The following ZFYVE16 variants were observed in gnomAD, a reference collection of about 807,000 sequenced individuals.
ZFYVE16 encodes zinc finger FYVE-type containing 16.
Under a neutral mutation model 138.1 loss-of-function variants are expected in ZFYVE16, and 89 were observed. That is an observed-to-expected ratio of 0.64 (90% CI 0.54 to 0.77). The LOEUF is 0.77. Ranked by LOEUF, ZFYVE16 falls within the 30% of genes least tolerant of loss-of-function variation. ZFYVE16 has a pLI of 0.00. For synonymous variants in ZFYVE16, 596 were observed against 618.3 expected (o/e 0.96, Z 0.53); for missense variants, 1,793 against 1,786.7 (o/e 1.00, Z -0.06).
chr5:80,419,793 A>G (rs757356555), intron 1 of ZFYVE16, among the ~76,000 whole-genome samples: 30 of 150,598 alleles, frequency 2.0e-4, no homozygotes, highest in Non-Finnish European at 3.3e-4. Context: ...GGAAGAATTC[A>G]TGTCTTTGGT....
intron 2 of ZFYVE16, among the ~76,000 whole-genome samples, chr5:80,428,839 T>A (rs1748544726): frequency 6.6e-6 from 1 of 152,106 alleles, no homozygotes. Flanking sequence ...TTCGATCAAC[T>A]GGAAGAAAGG....
chr5:80,414,423 T>C (rs1745907258), intron 1 of ZFYVE16, among the ~76,000 whole-genome samples: 1 of 152,224 alleles, frequency 6.6e-6, no homozygotes, highest in African/African-American at 2.4e-5. Flanking sequence ...TTCCTTTTTC[T>C]TGGTGTCTCC....
Position 80,450,491 on chromosome 5 carries a change from A to G in ZFYVE16, c.3287A>G (p.Glu1096Gly), listed in dbSNP as rs1751869808. 6.2e-7 allele frequency: 1 copy of G among 1,613,652 alleles called. No homozygotes were observed. The highest frequency in any genetic ancestry group is 8.5e-7 in the Non-Finnish European group (1 of 1,179,726). The change falls in exon 10 of 19, where the codon GAA (glutamate) becomes GGA (glycine). Residue 1096 changes from glutamate to glycine, a missense_variant. Physicochemically the swap from Glu to Gly is moderately conservative, Grantham distance 98. Around this residue, in one of 2 missense-constraint regions of ZFYVE16, gnomAD observed 498 missense variants for 582.4 expected, o/e 0.86. Coordinates refer to ENST00000505560, the MANE Select transcript of ZFYVE16 (RefSeq NM_001284236.3). ...TNGLHGLGQAEIIILLLCLPN... is the reference protein window; with the variant it reads ...TNGLHGLGQAGIIILLLCLPN... ...GGATTGCATGGCTTGGGACAGGCAG[A>G]AATTATTATTCTATTGTTATGTTTG...
intron 1 of ZFYVE16, among the ~76,000 whole-genome samples, chr5:80,416,247 A>ATTTT (rs70988469): frequency 5.5e-5 from 4 of 73,344 alleles, no homozygotes; most frequent in African/African-American, 9.7e-5. Flanking sequence ...GAATACATAG[A>ATTTT]TTTTTTTTTT....
At chr5:80,450,229 G>C (rs1026338123) in intron 9 of ZFYVE16, among the ~76,000 whole-genome samples, 1 of 149,922 alleles carries the variant, frequency 6.7e-6, no homozygotes, top group Non-Finnish European at 1.5e-5. Flanking sequence ...TTTTATTTTA[G>C]TGTTATTTAT....
intron 1 of ZFYVE16, among the ~76,000 whole-genome samples, chr5:80,412,527 C>T (rs768262563): frequency 6.6e-5 from 10 of 151,952 alleles, no homozygotes; most frequent in South Asian, 2.1e-4. Context: ...TTCAGTATAC[C>T]GTATTTACAT....
At chr5:80,466,629 C>A (rs147645198) in intron 15 of ZFYVE16, among the ~76,000 whole-genome samples, 20 of 152,226 alleles carry the variant, frequency 1.3e-4, no homozygotes, top group Admixed American at 3.9e-4. Context: ...TTGCTTTTCC[C>A]TTCATATACA....
At position 80,437,357 on chromosome 5, in the gene ZFYVE16, A is replaced by G. The variant is rs756606620; in HGVS notation, c.672A>G (p.Thr224=). ...CAGATTCCTATAATTACAGTGGAAC[A>G]GAAAATTTAAAAGATAAAAAGATCT... ...TLSDSYNYSG[T]ENLKDKKIFN... is the part of the protein sequence containing the mutation. The change falls in exon 4 of 19, where the codon ACA becomes ACG. Residue 224 remains threonine (T), a synonymous_variant. Transcript: ENST00000505560. 1 of 1,603,558 alleles carries G rather than the reference A, an allele frequency of 6.2e-7. No homozygotes were observed. Among genetic ancestry groups the G allele is most frequent in the African/African-American group, 1.3e-5 (1 of 74,178 alleles).
intron 5 of ZFYVE16, chr5:80,440,954 A>T (rs1304746657): frequency 2.0e-6 from 2 of 985,208 alleles, no homozygotes; most frequent in Non-Finnish European, 2.4e-6. Context: ...TGTTAGCCTG[A>T]GGTAAGCTGC....
chr5:80,458,209 C>G (rs1403214068), intron 14 of ZFYVE16, among the ~76,000 whole-genome samples: 1 of 151,794 alleles, frequency 6.6e-6, no homozygotes, highest in Non-Finnish European at 1.5e-5. Context: ...GGCATTTTTG[C>G]CACTAAAATT....
chr5:80,426,258 GTGTGTGTGTGTGTGTATATATA>G (rs1748017564), intron 1 of ZFYVE16, among the ~76,000 whole-genome samples: 2 of 54,082 alleles, frequency 3.7e-5, no homozygotes, highest in Middle Eastern at 0.01. Flanking sequence ...GTGTGTGTGT[GTGTGTGTGTGTGTGTATATATA>G]TATATATATA....
At chr5:80,429,633 T>C (rs911581555) in intron 2 of ZFYVE16, among the ~76,000 whole-genome samples, 4 of 152,002 alleles carry the variant, frequency 2.6e-5, no homozygotes, top group African/African-American at 9.7e-5. Flanking sequence ...GGCTAAATGC[T>C]CCAGTTAAAA....
chr5:80,431,056 GA>G (rs1378570455), intron 2 of ZFYVE16, among the ~76,000 whole-genome samples: 3 of 152,258 alleles, frequency 2.0e-5, no homozygotes, highest in African/African-American at 7.2e-5. Flanking sequence ...CCAATCAATA[GA>G]AAAAGAGGGA....
chr5:80,472,748 G>C lies in ZFYVE16; in HGVS notation c.4025-13G>C. 1 of 1,607,476 alleles carries C rather than the reference G, an allele frequency of 6.2e-7. No individual in the cohort carries two copies. Among genetic ancestry groups the C allele is most frequent in the Non-Finnish European group, 8.5e-7 (1 of 1,177,186 alleles). On this transcript the variant is annotated splice_polypyrimidine_tract_variant and intron_variant, in intron 15 of 18. Transcript: ENST00000505560. ...TTTGGCAAAAGAAATGTGAAACTTA[G>C]TCTCATTTCTAGATGGCTTAATGGT...
At position 80,438,626 on chromosome 5, in the gene ZFYVE16, C is replaced by A. The variant is rs771606270; in HGVS notation, c.1941C>A (p.Ala647=). 1.9e-6 allele frequency: 3 copies of A among 1,613,932 alleles called. No individual in the cohort carries two copies. The East Asian group carries it at 6.7e-5, about 36-fold the overall frequency. ...SDINSQSVGG[A]RPKQLFSLPS... ...TTAACAGTCAATCTGTTGGAGGGGC[C>A]AGACCTAAGCAATTGTTTAGCCTTC... Residue 647 remains alanine, a synonymous_variant, in exon 4 of 19, where the codon GCC becomes GCA. Coordinates refer to ENST00000505560, the MANE Select transcript of ZFYVE16 (RefSeq NM_001284236.3).
chr5:80,444,764 T>C (rs1638998256), intron 6 of ZFYVE16, among the ~76,000 whole-genome samples: 1 of 151,694 alleles, frequency 6.6e-6, no homozygotes, highest in Admixed American at 6.6e-5. Flanking sequence ...TTTATATATA[T>C]ATATGAAGAA....
At chr5:80,424,503 C>T (rs1335039481) in intron 1 of ZFYVE16, among the ~76,000 whole-genome samples, 4 of 150,312 alleles carry the variant, frequency 2.7e-5, no homozygotes, top group African/African-American at 9.8e-5. Context: ...GCTCTGTTGC[C>T]CAGGCTGGAG....
In ZFYVE16 at chr5:80,481,232, G is replaced by C. The variant is rs546450476; in HGVS notation, c.*3855G>C. The stretch of plus-strand genomic sequence containing the variant: ...CACTAGTGGCAGACATTGCAGGGCA[G>C]AACACTGGCAATGGGGAGGCTAACG... On this transcript the variant is annotated 3_prime_UTR_variant, in exon 19 of 19. Transcript: ENST00000505560. Among the ~76,000 whole-genome samples the C allele has an allele frequency of 3.3e-5, 5 of 152,284 alleles. No homozygotes were observed. The South Asian group carries it at 1.0e-3, about 32-fold the overall frequency.
intron 15 of ZFYVE16, among the ~76,000 whole-genome samples, chr5:80,465,396 C>CTTTTTTTTT (rs1187412933): frequency 4.5e-4 from 12 of 26,402 alleles, no homozygotes; most frequent in East Asian, 2.7e-3. Context: ...TTTTCCTTTT[C>CTTTTTTTTT]TTTGTTTTTT....
Sources: gnomAD v4.1 joint callset for allele counts (sites outside exome capture counted in the v4.1 genomes callset) on GRCh38, gnomAD v4.1.1 for gene constraint, gnomAD v4.1.1 regional missense constraint, MANE v1.5 for transcripts, NCBI Gene and HGNC (gene_info 2026-07-23, HGNC 2026-07-21) for gene names.